Variants in JCAD observed in about 807,000 individuals in gnomAD.
JCAD encodes the protein junctional cadherin 5 associated.
In JCAD, 40 loss-of-function variants were observed where a neutral mutation model predicts 98.0. That is an observed-to-expected ratio of 0.41 (90% CI 0.32 to 0.53). The LOEUF (loss-of-function observed/expected upper bound fraction) is 0.53. Ranked by LOEUF, JCAD falls within the 20% of genes least tolerant of loss-of-function variation. The pLI is 0.31. For synonymous variants in JCAD, 691 were observed against 682.3 expected (o/e 1.01, Z -0.20); for missense variants, 1,705 against 1,738.1 (o/e 0.98, Z 0.34).
chr10:30,042,600 CAGATGGGTGGCAATGGGAGGCAG>C (rs59262006), intron 2 of JCAD, among the ~76,000 whole-genome samples: 216 of 151,616 alleles, frequency 1.4e-3, no homozygotes, highest in African/African-American at 4.8e-3. Context: ...CGGAGACGCA[CAGATGGGTGGCAATGGGAGGCAG>C]AGATGGGTGG....
chr10:30,089,513 C>CGTGTGT (rs58665379), intron 1 of JCAD, among the ~76,000 whole-genome samples: 13,002 of 142,918 alleles, frequency 0.091, 818 homozygotes, highest in African/African-American at 0.17. Context: ...ATGCTTCTTC[C>CGTGTGT]GTGTGTGTGT....
chr10:30,053,216 G>A (rs1326185771), intron 1 of JCAD, among the ~76,000 whole-genome samples: 1 of 152,052 alleles, frequency 6.6e-6, no homozygotes, highest in Non-Finnish European at 1.5e-5. Context: ...TATAAATGGT[G>A]GGGGGTGGGG....
intron 1 of JCAD, among the ~76,000 whole-genome samples, chr10:30,057,035 A>G (rs558225646): frequency 6.6e-6 from 1 of 152,386 alleles, no homozygotes; most frequent in Non-Finnish European, 1.5e-5. Context: ...ACATCTGTTA[A>G]AAACCCAAGT....
chr10:30,114,846 GA>G (rs1838764793), intron 1 of JCAD, among the ~76,000 whole-genome samples: 2 of 151,964 alleles, frequency 1.3e-5, no homozygotes, highest in African/African-American at 4.8e-5. Context: ...TAGATAGATA[GA>G]TAGATAGATG....
chr10:30,113,433 C>T (rs1270296414), intron 1 of JCAD, among the ~76,000 whole-genome samples: 5 of 151,488 alleles, frequency 3.3e-5, no homozygotes, highest in African/African-American at 1.2e-4. Flanking sequence ...CGCCTGTAAT[C>T]CCAGCTACTT....
At position 30,026,509 on chromosome 10, in the gene JCAD, C is replaced by T. The variant is rs1836803409; in HGVS notation, c.3639G>A (p.Arg1213=). 6.2e-7 allele frequency: 1 copy of T among 1,614,192 alleles called. No individual in the cohort carries two copies. Among genetic ancestry groups the T allele is most frequent in the Non-Finnish European group, 8.5e-7 (1 of 1,180,038 alleles). Residue 1213 remains arginine, a synonymous_variant, in exon 3 of 4, where the codon AGG becomes AGA. Coordinates refer to ENST00000375377, the MANE Select transcript of JCAD (RefSeq NM_020848.4). The stretch of plus-strand genomic sequence containing the variant: ...TTTCTACAAAATGGAATAAAGTGGA[C>T]CTGAAGGGTGGTTTTGTTTCCACAT... ...QKDVETKPPF[R]STLFHFVERT...
upstream of JCAD, among the ~76,000 whole-genome samples, chr10:30,061,544 GAAAAAAA>G (rs1193710843): frequency 1.7e-5 from 2 of 116,282 alleles, no homozygotes; most frequent in Non-Finnish European, 3.8e-5. Context: ...TCTGTCTCAA[GAAAAAAA>G]AAAAAAAGAA....
chr10:30,090,574 G>T (rs1838243502), intron 1 of JCAD, among the ~76,000 whole-genome samples: 1 of 151,392 alleles, frequency 6.6e-6, no homozygotes, highest in African/African-American at 2.4e-5. Flanking sequence ...AGAGGGGAGG[G>T]GAGGGGAGGG....
intron 2 of JCAD, among the ~76,000 whole-genome samples, chr10:30,042,597 G>A (rs1333880366): frequency 1.3e-5 from 2 of 152,144 alleles, no homozygotes; most frequent in Non-Finnish European, 2.9e-5. Context: ...ACCCGGAGAC[G>A]CACAGATGGG....
chr10:30,030,941 T>G (rs932227659), intron 2 of JCAD, among the ~76,000 whole-genome samples: 1 of 150,054 alleles, frequency 6.7e-6, no homozygotes, highest in Non-Finnish European at 1.5e-5. Context: ...ACTCTCCAAG[T>G]GTCCCCGGAG....
chr10:30,057,271 A>T (rs914343784), intron 1 of JCAD, among the ~76,000 whole-genome samples: 1 of 152,194 alleles, frequency 6.6e-6, no homozygotes, highest in Non-Finnish European at 1.5e-5. Context: ...GCCAGTGAGA[A>T]CTTGGGGGAG....
At position 30,015,626 on chromosome 10, in the gene JCAD, A is replaced by T. The variant is rs1240394489; in HGVS notation, c.*2257T>A. Reference sequence around the variant, plus strand: ...TTGGTTTGAGAATCACAGAAGGTACAACAGTTTTTCTTCCTTGGGGATCCT... The same window carrying T: ...TTGGTTTGAGAATCACAGAAGGTACTACAGTTTTTCTTCCTTGGGGATCCT... On this transcript the variant is annotated 3_prime_UTR_variant, in exon 4 of 4. Transcript: ENST00000375377. 1 of 152,182 alleles carries T rather than the reference A, an allele frequency of 6.6e-6. No individual in the cohort carries two copies. The highest frequency in any genetic ancestry group is 1.5e-5 in the Non-Finnish European group (1 of 68,034). The allele number at this position is 152,182 out of a possible 1,614,324, so 9.4% of individuals were successfully genotyped here.
At chr10:30,072,636 G>T (rs1391764467) in intron 1 of JCAD, among the ~76,000 whole-genome samples, 1 of 151,132 alleles carries the variant, frequency 6.6e-6, no homozygotes, top group African/African-American at 2.4e-5. Context: ...TAGAGGTAGG[G>T]CCCAGAAATC....
At chr10:30,089,362 C>T (rs1176623658) in intron 1 of JCAD, among the ~76,000 whole-genome samples, 1 of 152,188 alleles carries the variant, frequency 6.6e-6, no homozygotes, top group African/African-American at 2.4e-5. Flanking sequence ...AGAAGAGCAT[C>T]TGTCTTCCAG....
chr10:30,043,714 A>C (rs749751287), intron 2 of JCAD, among the ~76,000 whole-genome samples: 11 of 152,164 alleles, frequency 7.2e-5, no homozygotes, highest in Non-Finnish European at 1.5e-4. Flanking sequence ...AGCTCACAGA[A>C]TCAAGTGCTC....
At chr10:30,024,372 T>C (rs1305213822) in intron 3 of JCAD, among the ~76,000 whole-genome samples, 1 of 152,196 alleles carries the variant, frequency 6.6e-6, no homozygotes, top group Non-Finnish European at 1.5e-5. Context: ...AAGTTTTAAC[T>C]AACCTTAAAG....
intron 1 of JCAD, among the ~76,000 whole-genome samples, chr10:30,106,334 G>A (rs1838580376): frequency 6.6e-6 from 1 of 151,974 alleles, no homozygotes; most frequent in African/African-American, 2.4e-5. Flanking sequence ...GGGAGGCTAA[G>A]ACAGGAGGAT....
chr10:30,032,050 G>A (rs561986058), intron 2 of JCAD, among the ~76,000 whole-genome samples: 31 of 152,118 alleles, frequency 2.0e-4, no homozygotes, highest in Admixed American at 1.3e-3. Flanking sequence ...CACCGCGCCC[G>A]GCTCCATCTG....
rs771608587 is a variant in JCAD, at chr10:30,029,385, A to G, written c.763T>C (p.Ser255Pro). Residue 255 changes from serine to proline, a missense_variant, in exon 3 of 4, where the codon TCA becomes CCA. Transcript: ENST00000375377. ...EIPIPLNERH[S>P]PKMPPYPPTC... ...GGAGGATACGGTGGCATTTTAGGTG[A>G]ATGTCTTTCATTTAATGGAATGGGA... The G allele has an allele frequency of 5.6e-6, 9 of 1,613,540 alleles. No homozygotes were observed. The South Asian group carries it at 7.7e-5, about 14-fold the overall frequency.
Sources: allele counts gnomAD v4.1 joint callset (sites outside exome capture counted in the v4.1 genomes callset), GRCh38; gene constraint gnomAD v4.1.1; transcripts MANE v1.5; gene names NCBI Gene and HGNC (gene_info 2026-07-23, HGNC 2026-07-21).